The following DOCK8 variants were observed in gnomAD, a reference collection of about 807,000 sequenced individuals.
DOCK8 encodes the protein dedicator of cytokinesis 8.
DOCK8 carries 141 observed loss-of-function variants against 245.6 expected under a neutral mutation model. The observed-to-expected ratio is 0.57, with a 90% CI of 0.50 to 0.66. The LOEUF is 0.66. Among genes scored for constraint, DOCK8 ranks in the 30% least tolerant of loss-of-function variants. The pLI is 0.00. For synonymous variants in DOCK8, 1,168 were observed against 970.2 expected (o/e 1.20, Z -3.79); for missense variants, 2,965 against 2,603.4 (o/e 1.14, Z -3.02).
chr9:421,421 A>G (rs1039260075), intron 32 of DOCK8, among the ~76,000 whole-genome samples: 1 of 152,184 alleles, frequency 6.6e-6, no homozygotes, highest in Non-Finnish European at 1.5e-5. Context: ...ACCTTTGGCT[A>G]GTCTATCCGG....
chr9:311,322 C>A (rs1483148663), intron 5 of DOCK8, among the ~76,000 whole-genome samples: 1 of 150,970 alleles, frequency 6.6e-6, no homozygotes. Context: ...TCACTGCAGC[C>A]TTGAACTCCT....
intron 2 of DOCK8, among the ~76,000 whole-genome samples, chr9:272,641 C>T (rs142629961): frequency 1.6e-4 from 25 of 152,348 alleles, no homozygotes; most frequent in African/African-American, 5.5e-4. Context: ...CCTGCCTCAG[C>T]CTCCCAAAGT....
At chr9:397,669 G>C (rs1344793503) in intron 25 of DOCK8, among the ~76,000 whole-genome samples, 2 of 152,184 alleles carry the variant, frequency 1.3e-5, no homozygotes. Flanking sequence ...CAGCCTGGGT[G>C]ACAGAGTGAG....
chr9:286,621 C>G lies in DOCK8; in HGVS notation c.317C>G (p.Ser106Cys), dbSNP rs896673386. Residue 106 changes from serine to cysteine, a missense_variant, in exon 3 of 48, where the codon TCT (serine) becomes TGT (cysteine). Physicochemically the swap from Ser to Cys is moderately radical, Grantham distance 112 (BLOSUM62 -1). Coordinates refer to ENST00000432829, the MANE Select transcript of DOCK8 (RefSeq NM_203447.4). ...AAGGAATGTAGGACTTTGCAGCCCT[C>G]TTTGCCGGAGGAAGGGTAAATAGTT... ...TPKECRTLQPSLPEEGVELDP... is the reference protein window; with the variant it reads ...TPKECRTLQPCLPEEGVELDP... 6 of 1,613,752 alleles carry G rather than the reference C, an allele frequency of 3.7e-6. No homozygotes were observed. The highest frequency in any genetic ancestry group is 2.7e-5 in the African/African-American group (2 of 74,890).
chr9:214,969 G>C lies in DOCK8; in HGVS notation c.-8G>C. On this transcript the variant is annotated 5_prime_UTR_variant, in exon 1 of 48. Coordinates refer to ENST00000432829, the MANE Select transcript of DOCK8 (RefSeq NM_203447.4). ...CGACCCTAGAAGCCACCGAACCGCC[G>C]GCGGGCCATGGCCACTCTGCCGAGC... is the stretch of plus-strand genomic sequence containing the variant. 6.2e-7 allele frequency: 1 copy of C among 1,601,592 alleles called. No homozygotes were observed. Among genetic ancestry groups the C allele is most frequent in the South Asian group, 1.1e-5 (1 of 89,722 alleles).
At chr9:257,763 C>T (rs543226387) in intron 1 of DOCK8, among the ~76,000 whole-genome samples, 2 of 152,266 alleles carry the variant, frequency 1.3e-5, no homozygotes, top group South Asian at 4.1e-4. Context: ...ATGATCTGCC[C>T]ACCTCGGCCT....
At position 255,384 on chromosome 9, in the gene DOCK8, C is replaced by T. The variant is rs2047744039; in HGVS notation, c.54-16243C>T. ...TGTCTCTTTTAAAAAGTCCAAATAA[C>T]AGGCAGAGCGCGGTGGCTCATGCCT... On this transcript the variant is annotated intron_variant, in intron 1 of 47. Coordinates refer to ENST00000432829, the MANE Select transcript of DOCK8 (RefSeq NM_203447.4). Among the ~76,000 whole-genome samples, 3 of 152,124 alleles carry T rather than the reference C, an allele frequency of 2.0e-5. No individual in the cohort carries two copies. In the South Asian group the frequency reaches 6.2e-4, roughly 31 times the overall value.
At chr9:344,177 A>T (rs976914218) in intron 14 of DOCK8, among the ~76,000 whole-genome samples, 1 of 152,222 alleles carries the variant, frequency 6.6e-6, no homozygotes, top group Admixed American at 6.5e-5. Context: ...GGGGAATGAC[A>T]GAAGAGATTT....
chr9:418,232 T>C (rs1380453820), intron 30 of DOCK8, 25 bp downstream of exon 30: 2 of 1,613,806 alleles, frequency 1.2e-6, no homozygotes, highest in African/African-American at 1.3e-5. Context: ...ATGTGTCTGG[T>C]TGATTTTTCA....
intron 19 of DOCK8, among the ~76,000 whole-genome samples, chr9:376,589 C>T (rs1456390983): frequency 6.6e-6 from 1 of 152,146 alleles, no homozygotes; most frequent in Non-Finnish European, 1.5e-5. Flanking sequence ...GCTGTTACTT[C>T]TTTTCCCTCT....
intron 14 of DOCK8, among the ~76,000 whole-genome samples, chr9:354,011 A>G (rs2052303285): frequency 6.6e-6 from 1 of 152,076 alleles, no homozygotes; most frequent in African/African-American, 2.4e-5. Context: ...GATTGAATTG[A>G]CTCCAAAGAG....
At chr9:264,519 G>C (rs513300) in intron 1 of DOCK8, among the ~76,000 whole-genome samples, 1 of 151,638 alleles carries the variant, frequency 6.6e-6, no homozygotes, top group Non-Finnish European at 1.5e-5. Context: ...TATGAGAAAC[G>C]ATAAAACCTG....
At chr9:341,362 C>T (rs1017970211) in intron 14 of DOCK8, among the ~76,000 whole-genome samples, 2 of 152,188 alleles carry the variant, frequency 1.3e-5, no homozygotes, top group Non-Finnish European at 2.9e-5. Context: ...CTGCCAAAGG[C>T]ATTAATGCTC....
At chr9:395,404 TC>T (rs1371803743) in intron 24 of DOCK8, among the ~76,000 whole-genome samples, 10 of 152,320 alleles carry the variant, frequency 6.6e-5, no homozygotes, top group Non-Finnish European at 4.4e-5. Flanking sequence ...GCTGCATGCA[TC>T]CTTAGAAACT....
At chr9:323,143 TAGAA>T (rs1456945758) in intron 7 of DOCK8, among the ~76,000 whole-genome samples, 2 of 144,506 alleles carry the variant, frequency 1.4e-5, no homozygotes, top group East Asian at 4.1e-4. Flanking sequence ...TACCTAATAA[TAGAA>T]AGAATAATCA....
chr9:415,774 C>T (rs1171178574), intron 29 of DOCK8, among the ~76,000 whole-genome samples: 1 of 152,128 alleles, frequency 6.6e-6, no homozygotes, highest in African/African-American at 2.4e-5. Flanking sequence ...TGGAAATGTC[C>T]ATGCTGCTCT....
chr9:242,032 G>T (rs2047385476), intron 1 of DOCK8, among the ~76,000 whole-genome samples: 1 of 152,166 alleles, frequency 6.6e-6, no homozygotes, highest in African/African-American at 2.4e-5. Context: ...TGATAATTCA[G>T]GTCTTCTTTT....
intron 4 of DOCK8, among the ~76,000 whole-genome samples, chr9:290,922 T>C (rs927010595): frequency 6.6e-6 from 1 of 152,238 alleles, no homozygotes; most frequent in Non-Finnish European, 1.5e-5. Flanking sequence ...GCACACATTT[T>C]CAGCAGCAGA....
chr9:254,231 T>C (rs1404811668), intron 1 of DOCK8, among the ~76,000 whole-genome samples: 1 of 152,160 alleles, frequency 6.6e-6, no homozygotes, highest in Non-Finnish European at 1.5e-5. Flanking sequence ...TGAGATGCAA[T>C]TCCATTCCTC....
Sources: gnomAD v4.1 joint callset for allele counts (sites outside exome capture counted in the v4.1 genomes callset) on GRCh38, gnomAD v4.1.1 for gene constraint, MANE v1.5 for transcripts, NCBI Gene and HGNC (gene_info 2026-07-23, HGNC 2026-07-21) for gene names.